Variants in TERF1 observed in about 807,000 individuals in gnomAD.
TERF1 encodes telomeric repeat binding factor 1.
TERF1 carries 20 observed loss-of-function variants against 55.1 expected under a neutral mutation model. The observed-to-expected ratio is 0.36, with a 90% CI of 0.26 to 0.53. TERF1 has a LOEUF of 0.53. TERF1 is among the 20% of genes least tolerant of loss of function. The pLI is 0.91. For missense variants in TERF1, 439 were observed against 535.7 expected, an observed-to-expected ratio of 0.82 and a Z score of 1.78; for synonymous variants, 168 against 181.2, an observed-to-expected ratio of 0.93 and a Z score of 0.59.
intron 2 of TERF1, among the ~76,000 whole-genome samples, chr8:73,017,157 A>G (rs1808546560): frequency 6.6e-6 from 1 of 152,202 alleles, no homozygotes. Flanking sequence ...CACATTTATA[A>G]GAAGGAAGGC....
Position 73,009,137 on chromosome 8 carries a change from T to C in TERF1, c.251T>C (p.Leu84Pro). ...GGCTGGATGCTCGATTTCCTCTGCC[T>C]CTCTCTTTGCCGAGCTTTCCGCGAC... is the stretch of plus-strand genomic sequence containing the variant. Reference protein sequence around the residue: ...AAGWMLDFLCLSLCRAFRDGR... With the variant: ...AAGWMLDFLCPSLCRAFRDGR... The change falls in exon 1 of 10, where the codon CTC (leucine) becomes CCC (proline). Residue 84 changes from leucine to proline, a missense_variant. Transcript: ENST00000276603. 6.2e-7 allele frequency: 1 copy of C among 1,611,314 alleles called. No individual in the cohort carries two copies. The highest frequency in any genetic ancestry group is 8.5e-7 in the Non-Finnish European group (1 of 1,179,826).
intron 8 of TERF1, among the ~76,000 whole-genome samples, chr8:73,033,876 A>C (rs1809401806): frequency 6.6e-6 from 1 of 152,218 alleles, no homozygotes; most frequent in South Asian, 2.1e-4. Context: ...AGTGTACTTC[A>C]GTGGTACCCA....
At chr8:73,011,628 T>C (rs1432716203) in intron 1 of TERF1, 3 of 152,272 alleles carry the variant, frequency 2.0e-5, no homozygotes, top group Non-Finnish European at 4.4e-5. Flanking sequence ...CAATAACTTG[T>C]AGCTTTTACT....
intron 9 of TERF1, among the ~76,000 whole-genome samples, chr8:73,041,130 G>C (rs973784253): frequency 2.6e-5 from 4 of 152,126 alleles, no homozygotes; most frequent in Non-Finnish European, 5.9e-5. Context: ...TCTTCAGACT[G>C]TGTTTTTTGC....
intron 8 of TERF1, 47 bp from the exon 9 acceptor site, chr8:73,039,069 T>G: frequency 8.2e-7 from 1 of 1,219,468 alleles, no homozygotes; most frequent in Non-Finnish European, 1.1e-6. Context: ...TTGCTCTTTT[T>G]TCTTTAATGT....
chr8:73,009,413 C>T (rs1021647391), intron 1 of TERF1: 23 of 570,292 alleles, frequency 4.0e-5, no homozygotes, highest in African/African-American at 3.1e-4. Context: ...ATTTCCTCTT[C>T]GATAAAATGA....
chr8:73,031,339 A>G (rs1448790959), intron 7 of TERF1: 1 of 152,278 alleles, frequency 6.6e-6, no homozygotes, highest in Non-Finnish European at 1.5e-5. Flanking sequence ...TCTAGAAAGG[A>G]CAATAGAAAG....
At chr8:73,022,174 A>C in intron 3 of TERF1, 42 bp from the exon 4 acceptor site, 1 of 1,234,476 alleles carries the variant, frequency 8.1e-7, no homozygotes, top group Non-Finnish European at 1.1e-6. Context: ...ACTATTGGGT[A>C]TTTATAAACG....
rs775871434 is a variant in TERF1 at position 73,046,147 on chromosome 8, T to C, written c.*10T>C. ...AGACAGCGAAGACTGATTGTGTTTGTAAAAGCTTGATGAAAGGACAGTTAA... is the reference window on the plus strand; with the variant it reads ...AGACAGCGAAGACTGATTGTGTTTGCAAAAGCTTGATGAAAGGACAGTTAA... On this transcript the variant is annotated 3_prime_UTR_variant, in exon 10 of 10. Coordinates refer to ENST00000276603, the MANE Select transcript of TERF1 (RefSeq NM_017489.3). The C allele has an allele frequency of 1.0e-5, 16 of 1,554,458 alleles. No homozygotes were observed. Among genetic ancestry groups the C allele is most frequent in the Middle Eastern group, 2.0e-4 (1 of 5,014 alleles).
intron 9 of TERF1, among the ~76,000 whole-genome samples, chr8:73,040,264 A>AGATTTAGGGGGTGTACCTCAGGGTATT (rs1300932756): frequency 6.6e-6 from 1 of 152,024 alleles, no homozygotes; most frequent in Non-Finnish European, 1.5e-5. Context: ...TGCTGACCAG[A>AGATTTAGGGGGTGTACCTCAGGGTATT]GATTTAGGGG....
intron 8 of TERF1, among the ~76,000 whole-genome samples, chr8:73,036,901 A>C (rs1809536155): frequency 7.1e-6 from 1 of 140,560 alleles, no homozygotes; most frequent in South Asian, 2.2e-4. Context: ...TAATTTCCAA[A>C]TATCTTTCTG....
intron 9 of TERF1, among the ~76,000 whole-genome samples, chr8:73,043,548 A>G (rs1345155581): frequency 6.6e-6 from 1 of 152,168 alleles, no homozygotes; most frequent in Non-Finnish European, 1.5e-5. Flanking sequence ...TATTTTAAAT[A>G]TATTTTTTAA....
chr8:73,036,726 A>G (rs1179460862), intron 8 of TERF1, among the ~76,000 whole-genome samples: 2 of 150,532 alleles, frequency 1.3e-5, no homozygotes, highest in African/African-American at 4.9e-5. Context: ...AATTACTTAC[A>G]GTAACTAAAA....
At chr8:73,030,810 C>T (rs1809251318) in intron 7 of TERF1, 2 of 153,366 alleles carry the variant, frequency 1.3e-5, no homozygotes, top group African/African-American at 4.8e-5. Context: ...CTGTGACAGA[C>T]AATACAACCT....
At chr8:73,043,877 G>A (rs137950376) in intron 9 of TERF1, among the ~76,000 whole-genome samples, 33 of 152,272 alleles carry the variant, frequency 2.2e-4, no homozygotes, top group African/African-American at 7.0e-4. Context: ...GCTGAATAAC[G>A]TATATGGCAA....
intron 8 of TERF1, among the ~76,000 whole-genome samples, chr8:73,035,585 G>A (rs1586059044): frequency 1.3e-5 from 2 of 151,566 alleles, no homozygotes; most frequent in Non-Finnish European, 2.9e-5. Context: ...TTCTATATAT[G>A]TACTCATTTC....
At position 73,008,993 on chromosome 8, in the gene TERF1, A is replaced by G. The variant is rs755276399; in HGVS notation, c.107A>G (p.Glu36Gly). ...EQMAETERND[E>G]EQFECQELLE... ...ATGGCAGAAACAGAGAGAAACGACG[A>G]GGAGCAGTTCGAATGCCAGGAACTG... The change falls in exon 1 of 10, where the codon GAG becomes GGG. Residue 36 changes from glutamate (E) to glycine (G), a missense_variant. Glu to Gly is a moderately conservative substitution (Grantham distance 98, BLOSUM62 -2). Around this residue, in one of 4 missense-constraint regions of TERF1, gnomAD observed 179 missense variants for 152.6 expected, o/e 1.17. Transcript: ENST00000276603. The G allele has an allele frequency of 1.9e-6, 3 of 1,612,576 alleles. No homozygotes were observed. The highest frequency in any genetic ancestry group is 2.2e-5 in the South Asian group (2 of 90,866).
intron 8 of TERF1, among the ~76,000 whole-genome samples, chr8:73,035,858 G>T (rs143870814): frequency 4.7e-4 from 71 of 152,266 alleles, no homozygotes; most frequent in African/African-American, 1.6e-3. Flanking sequence ...TGTTTTTCAA[G>T]AGTATCTTGA....
chr8:73,028,571 A>AATT (rs1554555223), intron 6 of TERF1, among the ~76,000 whole-genome samples: 9 of 104,416 alleles, frequency 8.6e-5, no homozygotes, highest in African/African-American at 3.4e-4. Context: ...ACGTAGACCC[A>AATT]TTTTTTTTTT....
Sources: allele counts gnomAD v4.1 joint callset (sites outside exome capture counted in the v4.1 genomes callset), GRCh38; gene constraint gnomAD v4.1.1; regional missense constraint gnomAD v4.1.1; transcripts MANE v1.5; gene names NCBI Gene and HGNC (gene_info 2026-07-23, HGNC 2026-07-21).